Variants in ADAMTSL1 observed in about 807,000 individuals in gnomAD.
The protein encoded by ADAMTSL1 is ADAMTS-like protein 1.
Under a neutral mutation model 201.8 loss-of-function variants are expected in ADAMTSL1, and 126 were observed. The ratio of observed to expected loss-of-function variants is 0.62; its 90% CI spans 0.54 to 0.72. The LOEUF is 0.72. Among genes scored for constraint, ADAMTSL1 ranks in the 30% least tolerant of loss-of-function variants. The probability of loss-of-function intolerance (pLI) is 0.00; values close to 1 mark genes in which losing one functional copy is unlikely to be tolerated. For synonymous variants in ADAMTSL1, 1,121 were observed against 903.4 expected, an observed-to-expected ratio of 1.24 and a Z score of -4.32; for missense variants, 2,679 against 2,277.8, an observed-to-expected ratio of 1.18 and a Z score of -3.59.
chr9:17,956,876 C>CGGCA (rs1827952778), intron 1 of ADAMTSL1, among the ~76,000 whole-genome samples: 1 of 152,120 alleles, frequency 6.6e-6, no homozygotes, highest in African/African-American at 2.4e-5. Context: ...GGCTATTGCC[C>CGGCA]TGCCCCTGGT....
chr9:18,029,137 C>T (rs1820822182), intron 1 of ADAMTSL1, among the ~76,000 whole-genome samples: 1 of 152,212 alleles, frequency 6.6e-6, no homozygotes, highest in Admixed American at 6.5e-5. Context: ...GCTGAAGTTG[C>T]TTATCAGCTT....
chr9:18,226,904 A>G (rs563608295), intron 2 of ADAMTSL1, among the ~76,000 whole-genome samples: 13 of 152,266 alleles, frequency 8.5e-5, no homozygotes, highest in African/African-American at 3.1e-4. Flanking sequence ...GTTATAAAAT[A>G]TAATTTTTAA....
intron 2 of ADAMTSL1, among the ~76,000 whole-genome samples, chr9:18,394,532 G>C (rs1424767054): frequency 6.6e-6 from 1 of 152,190 alleles, no homozygotes; most frequent in East Asian, 1.9e-4. Flanking sequence ...GAGAATAAGA[G>C]AAAGAAGCTT....
intron 2 of ADAMTSL1, among the ~76,000 whole-genome samples, chr9:18,198,325 T>C (rs199528449): frequency 0.015 from 2,248 of 145,472 alleles, 55 homozygotes; most frequent in African/African-American, 0.053. Context: ...ACAGGCAACC[T>C]ACAAAATGGG....
intron 2 of ADAMTSL1, among the ~76,000 whole-genome samples, chr9:18,522,173 A>C (rs1397486999): frequency 1.3e-5 from 2 of 152,146 alleles, no homozygotes; most frequent in Non-Finnish European, 2.9e-5. Flanking sequence ...TGGTGAGCTG[A>C]AAAACTACCT....
chr9:18,893,617 G>A (rs1040113718), intron 26 of ADAMTSL1, among the ~76,000 whole-genome samples: 1 of 151,980 alleles, frequency 6.6e-6, no homozygotes, highest in Non-Finnish European at 1.5e-5. Context: ...CTAGTCCAAG[G>A]GCTACGCTTG....
chr9:18,270,249 T>C (rs1832303207), intron 2 of ADAMTSL1, among the ~76,000 whole-genome samples: 1 of 152,026 alleles, frequency 6.6e-6, no homozygotes. Context: ...TACTCTGGGG[T>C]ACCTTTTATA....
intron 1 of ADAMTSL1, among the ~76,000 whole-genome samples, chr9:17,923,432 G>C (rs1254310274): frequency 6.8e-6 from 1 of 147,284 alleles, no homozygotes; most frequent in South Asian, 2.2e-4. Context: ...TCATGATTTG[G>C]CTCTCTGTTT....
intron 1 of ADAMTSL1, among the ~76,000 whole-genome samples, chr9:18,158,595 G>C (rs1035420316): frequency 1.3e-5 from 2 of 151,746 alleles, no homozygotes; most frequent in Admixed American, 6.6e-5. Flanking sequence ...ACTGAAATCT[G>C]GTAAACTCAA....
intron 1 of ADAMTSL1, among the ~76,000 whole-genome samples, chr9:18,149,795 A>G (rs1186924761): frequency 6.6e-6 from 1 of 152,088 alleles, no homozygotes; most frequent in African/African-American, 2.4e-5. Flanking sequence ...AGAATGCTAT[A>G]GTTGTCCAGG....
At chr9:18,050,291 T>C (rs1821874183) in intron 1 of ADAMTSL1, among the ~76,000 whole-genome samples, 1 of 152,194 alleles carries the variant, frequency 6.6e-6, no homozygotes, top group Non-Finnish European at 1.5e-5. Flanking sequence ...TTCTGATAAA[T>C]GGGTATTCCT....
chr9:17,921,510 G>T (rs1412124894), intron 1 of ADAMTSL1, among the ~76,000 whole-genome samples: 2 of 152,108 alleles, frequency 1.3e-5, no homozygotes, highest in African/African-American at 4.8e-5. Context: ...AAAATATGGT[G>T]TTCAACCTGC....
chr9:18,399,288 T>TATATATATATATATATATAC lies in ADAMTSL1; in HGVS notation c.208-105522_208-105521insCATATATATATATATATATA, dbSNP rs1392893116. Among the ~76,000 whole-genome samples the TATATATATATATATATATAC allele has an allele frequency of 7.9e-4, 63 of 79,566 alleles. 2 individuals carry two copies. The highest frequency in any genetic ancestry group is 1.3e-3 in the Non-Finnish European group (55 of 41,342). 52.2% of individuals were successfully genotyped at this position (79,566 alleles called of 152,430 possible). On this transcript the variant is annotated intron_variant, in intron 2 of 29. Coordinates refer to the ADAMTSL1 transcript ENST00000680146. ...TTCCTCTGTCTGCTTTACATATATA[T>TATATATATATATATATATAC]ATATATATATATATATATATATATA...
chr9:18,596,861 G>A (rs73644618), intron 4 of ADAMTSL1, among the ~76,000 whole-genome samples: 1,836 of 152,230 alleles, frequency 0.012, 41 homozygotes, highest in African/African-American at 0.04. Context: ...CGTAGACAAG[G>A]CTCTAAGGTC....
At position 18,316,189 on chromosome 9, in the gene ADAMTSL1, G is replaced by A. The variant is rs191649913; in HGVS notation, c.207+152208G>A. Among the ~76,000 whole-genome samples, 584 of 152,262 alleles carry A rather than the reference G, an allele frequency of 3.8e-3. 3 individuals carry two copies. Among genetic ancestry groups the A allele is most frequent in the African/African-American group, 0.013 (559 of 41,560 alleles). On this transcript the variant is annotated intron_variant, in intron 2 of 29. Transcript: ENST00000680146. The stretch of plus-strand genomic sequence containing the variant: ...GGTAATAGAATATCACAAGGCAAGT[G>A]GAGGCAGGGCAAGATCACAGGACCA...
At chr9:18,505,001 G>T (rs778080712) in intron 2 of ADAMTSL1, 45 bp downstream of exon 2, 1 of 1,574,046 alleles carries the variant, frequency 6.4e-7, no homozygotes, top group Non-Finnish European at 8.5e-7. Flanking sequence ...ACCAGAGGTA[G>T]CCGGTTTGAG....
intron 2 of ADAMTSL1, among the ~76,000 whole-genome samples, chr9:18,262,746 G>T (rs974533855): frequency 2.0e-5 from 3 of 152,192 alleles, no homozygotes; most frequent in African/African-American, 7.2e-5. Flanking sequence ...GTTCATCGGG[G>T]TATGTGTGCT....
At chr9:18,110,843 T>C (rs947509427) in intron 1 of ADAMTSL1, among the ~76,000 whole-genome samples, 10 of 152,174 alleles carry the variant, frequency 6.6e-5, no homozygotes, top group African/African-American at 1.9e-4. Flanking sequence ...CTGGCTGATA[T>C]GAAGAATAAG....
chr9:18,072,186 G>C (rs1018635838), intron 1 of ADAMTSL1, among the ~76,000 whole-genome samples: 2 of 152,100 alleles, frequency 1.3e-5, no homozygotes, highest in Non-Finnish European at 2.9e-5. Context: ...AAGCAAAAAT[G>C]GGCTGATTGA....
Sources: gnomAD v4.1 joint callset for allele counts (sites outside exome capture counted in the v4.1 genomes callset) on GRCh38, gnomAD v4.1.1 for gene constraint, MANE v1.5 for transcripts, NCBI Gene and HGNC (gene_info 2026-07-23, HGNC 2026-07-21) for gene names.